The following NCEH1 variants were observed in gnomAD, a reference collection of about 807,000 sequenced individuals.
NCEH1 encodes 2-acetyl MAGE hydrolase.
In NCEH1, 9 loss-of-function variants were observed where a neutral mutation model predicts 25.4. That is an observed-to-expected ratio of 0.35 (90% CI 0.21 to 0.62). The LOEUF (loss-of-function observed/expected upper bound fraction) is 0.62. Ranked by LOEUF, NCEH1 falls within the 20% of genes least tolerant of loss-of-function variation. NCEH1 has a pLI of 0.72. For synonymous variants in NCEH1, 200 were observed against 199.8 expected (o/e 1.00, Z -0.01); for missense variants, 412 against 501.1 (o/e 0.82, Z 1.70).
chr3:172,668,348 A>AT (rs1200625132), intron 1 of NCEH1, among the ~76,000 whole-genome samples: 24,580 of 77,746 alleles, frequency 0.32, 6,866 homozygotes, highest in Non-Finnish European at 0.38. Flanking sequence ...AAAAGGAAGC[A>AT]TTTTTTTTTT....
chr3:172,687,528 T>C (rs1323695779), intron 1 of NCEH1, among the ~76,000 whole-genome samples: 1 of 152,230 alleles, frequency 6.6e-6, no homozygotes, highest in Admixed American at 6.5e-5. Flanking sequence ...GAGCTTTCTG[T>C]AGAATATAGG....
intron 1 of NCEH1, among the ~76,000 whole-genome samples, chr3:172,649,306 T>C (rs552510467): frequency 1.3e-3 from 192 of 152,226 alleles, no homozygotes; most frequent in Non-Finnish European, 2.3e-3. Flanking sequence ...AAGCACTATA[T>C]TATAACAGCA....
intron 1 of NCEH1, 33 bp from the exon 2 acceptor site, chr3:172,648,147 G>C (rs1042288638): frequency 6.2e-7 from 1 of 1,612,150 alleles, no homozygotes; most frequent in South Asian, 1.1e-5. Context: ...AAGAGGGAGG[G>C]CGCACGTCAA....
intron 1 of NCEH1, among the ~76,000 whole-genome samples, chr3:172,690,396 G>A (rs530032998): frequency 6.6e-6 from 1 of 152,148 alleles, no homozygotes; most frequent in Non-Finnish European, 1.5e-5. Flanking sequence ...AACCATTTAA[G>A]CCACTGAAGT....
At chr3:172,645,552 C>T in intron 3 of NCEH1, 71 bp downstream of exon 3, 1 of 958,642 alleles carries the variant, frequency 1.0e-6, no homozygotes, top group East Asian at 2.5e-5. Flanking sequence ...ACTTGTAAAA[C>T]AAAGTAACCA....
At chr3:172,680,888 T>C (rs1219466650) in intron 1 of NCEH1, 2 of 152,088 alleles carry the variant, frequency 1.3e-5, no homozygotes, top group Non-Finnish European at 2.9e-5. Flanking sequence ...AAGGACTTTA[T>C]TGAGAGCCTG....
intron 1 of NCEH1, among the ~76,000 whole-genome samples, chr3:172,701,449 C>CCTTT: frequency 9.0e-6 from 1 of 110,940 alleles, no homozygotes; most frequent in East Asian, 2.3e-4. Context: ...GGTCTTTTGC[C>CCTTT]TTTTTTTTTT....
chr3:172,641,570 G>A (rs1053482498), intron 3 of NCEH1, among the ~76,000 whole-genome samples: 1 of 152,196 alleles, frequency 6.6e-6, no homozygotes, highest in African/African-American at 2.4e-5. Flanking sequence ...CCACTCTAGA[G>A]GGCCTCAAGG....
chr3:172,635,827 A>ATT, intron 4 of NCEH1, 89 bp downstream of exon 4: 1 of 1,266,600 alleles, frequency 7.9e-7, no homozygotes, highest in Non-Finnish European at 1.1e-6. Flanking sequence ...CCAGCTATGC[A>ATT]TTTGCCACAC....
intron 1 of NCEH1, among the ~76,000 whole-genome samples, chr3:172,651,152 G>A (rs1035062976): frequency 2.0e-5 from 3 of 152,244 alleles, no homozygotes; most frequent in Non-Finnish European, 4.4e-5. Flanking sequence ...CTATTATCTT[G>A]CTTACAGAGA....
At chr3:172,636,275 G>T in intron 3 of NCEH1, 188 bp from the exon 4 acceptor site, 1 of 427,518 alleles carries the variant, frequency 2.3e-6, no homozygotes, top group Non-Finnish European at 4.1e-6. Flanking sequence ...CAAATACTTA[G>T]TTTAAAATGT....
chr3:172,635,144 T>C (rs965541803), intron 4 of NCEH1, among the ~76,000 whole-genome samples: 3 of 152,318 alleles, frequency 2.0e-5, no homozygotes, highest in African/African-American at 7.2e-5. Context: ...TTCTCTCCAC[T>C]GAGCCAAGAC....
chr3:172,681,851 T>C (rs984889423), intron 1 of NCEH1, among the ~76,000 whole-genome samples: 5 of 151,088 alleles, frequency 3.3e-5, no homozygotes, highest in African/African-American at 9.8e-5. Context: ...GCAGAGGTTG[T>C]AGTGAGGTGA....
intron 1 of NCEH1, among the ~76,000 whole-genome samples, chr3:172,676,597 C>A (rs1053940221): frequency 2.0e-5 from 3 of 152,254 alleles, no homozygotes; most frequent in East Asian, 1.9e-4. Context: ...CGGGGTTTCT[C>A]GTCGTTCGAA....
At chr3:172,656,473 T>C (rs914828337) in intron 1 of NCEH1, among the ~76,000 whole-genome samples, 3 of 152,098 alleles carry the variant, frequency 2.0e-5, no homozygotes, top group Non-Finnish European at 2.9e-5. Flanking sequence ...CTAAAGAAGA[T>C]AGTGACTTTT....
intron 1 of NCEH1, among the ~76,000 whole-genome samples, chr3:172,675,330 TAAATA>T (rs1013847783): frequency 1.3e-5 from 2 of 151,204 alleles, no homozygotes; most frequent in Non-Finnish European, 2.9e-5. Flanking sequence ...AATAAATAAA[TAAATA>T]AATAAATGAT....
In NCEH1 at chr3:172,645,243, A is replaced by G. The variant is rs550254412; in HGVS notation, c.437+380T>C. 2.6e-5 allele frequency among the ~76,000 whole-genome samples: 4 copies of G among 152,288 alleles called. No individual in the cohort carries two copies. In the East Asian group the frequency reaches 7.7e-4, roughly 29 times the overall value. Reference sequence around the variant, plus strand: ...TCTGTTCCCAAGGCACAAGTCATAGAACCTGACTCTAAGAGAGCAACTTTT... The same window carrying G: ...TCTGTTCCCAAGGCACAAGTCATAGGACCTGACTCTAAGAGAGCAACTTTT... On this transcript the variant is annotated intron_variant, in intron 3 of 4. Coordinates refer to ENST00000475381, the MANE Select transcript of NCEH1 (RefSeq NM_020792.6).
chr3:172,645,654 C>T lies in NCEH1; in HGVS notation c.406G>A (p.Glu136Lys). The T allele has an allele frequency of 6.2e-7, 1 of 1,603,282 alleles. No homozygotes were observed. Among genetic ancestry groups the T allele is most frequent in the East Asian group, 2.2e-5 (1 of 44,456 alleles). ...YYDELCTAMAEELNAVIVSIE... is the reference protein window; with the variant it reads ...YYDELCTAMAKELNAVIVSIE... ...GAAACAATGACAGCATTCAATTCCT[C>T]AGCCATTGCTGTACACAGCTCATCA... Residue 136 changes from glutamate (E) to lysine (K), a missense_variant, in exon 3 of 5, where the codon GAG becomes AAG. Physicochemically the swap from Glu to Lys is moderately conservative, Grantham distance 56 (BLOSUM62 1). Transcript: ENST00000475381.
intron 3 of NCEH1, among the ~76,000 whole-genome samples, chr3:172,638,317 G>A (rs893618665): frequency 8.1e-5 from 11 of 135,076 alleles, no homozygotes; most frequent in South Asian, 4.8e-4. Context: ...ATCCCTTAGC[G>A]TTTGCCATAT....
Sources: allele counts gnomAD v4.1 joint callset (sites outside exome capture counted in the v4.1 genomes callset), GRCh38; gene constraint gnomAD v4.1.1; transcripts MANE v1.5; gene names NCBI Gene and HGNC (gene_info 2026-07-23, HGNC 2026-07-21).